Variants in SCAPER observed in about 807,000 individuals in gnomAD.
SCAPER encodes S-phase cyclin A associated protein in the ER.
Under a neutral mutation model 182.2 loss-of-function variants are expected in SCAPER, and 98 were observed. The observed-to-expected ratio is 0.54, with a 90% confidence interval of 0.46 to 0.64. The LOEUF (loss-of-function observed/expected upper bound fraction) is 0.64, where lower values mean the gene tolerates loss of function less well. Among genes scored for constraint, SCAPER ranks in the 30% least tolerant of loss-of-function variants. The pLI, the probability that SCAPER is intolerant of heterozygous loss-of-function variation, is 0.00. For synonymous variants in SCAPER, 605 were observed against 564.6 expected (o/e 1.07, Z -1.01); for missense variants, 1,432 against 1,690.0 (o/e 0.85, Z 2.68).
intron 23 of SCAPER, among the ~76,000 whole-genome samples, chr15:76,560,475 C>T (rs1349964259): frequency 1.3e-5 from 2 of 152,120 alleles, no homozygotes; most frequent in Non-Finnish European, 2.9e-5. Context: ...TGTGCCAAAA[C>T]CTTATATTTT....
chr15:76,448,339 G>A (rs183001060), intron 25 of SCAPER, among the ~76,000 whole-genome samples: 1 of 152,284 alleles, frequency 6.6e-6, no homozygotes, highest in Non-Finnish European at 1.5e-5. Flanking sequence ...CTAATTGACT[G>A]CATATTTAGG....
At chr15:76,608,821 G>A (rs2050709333) in intron 22 of SCAPER, among the ~76,000 whole-genome samples, 2 of 152,230 alleles carry the variant, frequency 1.3e-5, no homozygotes, top group South Asian at 4.1e-4. Flanking sequence ...GACCCTCTGA[G>A]CCAGGTGAGG....
At chr15:76,722,473 T>C (rs1176030149) in intron 17 of SCAPER, among the ~76,000 whole-genome samples, 2 of 152,362 alleles carry the variant, frequency 1.3e-5, no homozygotes, top group South Asian at 2.1e-4. Context: ...CCTCTTTTTC[T>C]ATTGATTGCA....
intron 18 of SCAPER, among the ~76,000 whole-genome samples, chr15:76,704,330 GATCCCAT>G (rs1221467279): frequency 6.6e-6 from 1 of 152,130 alleles, no homozygotes; most frequent in Admixed American, 6.6e-5. Flanking sequence ...AGTTTAATTA[GATCCCAT>G]ATGTCAATTT....
At chr15:76,800,189 TAATAACTAAGAAAATAA>T (rs2065665302) in intron 7 of SCAPER, 42 bp downstream of exon 7, 2 of 922,478 alleles carry the variant, frequency 2.2e-6, no homozygotes, top group Non-Finnish European at 3.4e-6. Context: ...CATAATACTA[TAATAACTAAGAAAATAA>T]TTTAATGCAA....
At chr15:76,764,025 T>C (rs2062958023) in intron 14 of SCAPER, among the ~76,000 whole-genome samples, 2 of 152,222 alleles carry the variant, frequency 1.3e-5, no homozygotes, top group Admixed American at 1.3e-4. Flanking sequence ...TGATTTTTCA[T>C]GTTCTTTGTA....
intron 22 of SCAPER, among the ~76,000 whole-genome samples, chr15:76,600,455 T>A (rs1007461668): frequency 0.029 from 678 of 23,764 alleles, 85 homozygotes; most frequent in East Asian, 0.074. Flanking sequence ...ATATATATAT[T>A]TTTTTTTTTT....
rs376415182 is a variant in SCAPER at position 76,754,972 on chromosome 15, T to C, written c.1726-1024A>G. ...CAGTGTTGAAAACAATAATCCATCA[T>C]ACAAATGGAAGATGAAAGTTGCCAT... is the stretch of plus-strand genomic sequence containing the variant. On this transcript the variant is annotated intron_variant, in intron 14 of 31. Coordinates refer to ENST00000563290, the MANE Select transcript of SCAPER (RefSeq NM_020843.4). Among the ~76,000 whole-genome samples, 22 of 152,274 alleles carry C rather than the reference T, an allele frequency of 1.4e-4. No individual in the cohort carries two copies. In the East Asian group the frequency reaches 3.3e-3, roughly 23 times the overall value.
intron 27 of SCAPER, among the ~76,000 whole-genome samples, chr15:76,387,882 T>A (rs535276320): frequency 1.3e-5 from 2 of 152,308 alleles, no homozygotes; most frequent in Admixed American, 6.5e-5. Flanking sequence ...ATACAGTTTG[T>A]CAACAATAAG....
intron 22 of SCAPER, among the ~76,000 whole-genome samples, chr15:76,615,094 C>G (rs746559260): frequency 1.3e-5 from 2 of 152,048 alleles, no homozygotes; most frequent in African/African-American, 2.4e-5. Flanking sequence ...AAAAGACATA[C>G]AATTAAGTAG....
rs763327851 is a variant in SCAPER at position 76,471,201 on chromosome 15, A to G, written c.3078+11T>C. 6.3e-7 allele frequency: 1 copy of G among 1,596,754 alleles called. No individual in the cohort carries two copies. Among genetic ancestry groups the G allele is most frequent in the Non-Finnish European group, 8.5e-7 (1 of 1,173,378 alleles). On this transcript the variant is annotated intron_variant, in intron 25 of 31. Transcript: ENST00000563290. ...TAACTGCTTCTAACTCAAAGCAATA[A>G]TATTACATACCGTCAACTGGTGTAT... is the stretch of plus-strand genomic sequence containing the variant.
At chr15:76,754,085 C>G (rs932429020) in intron 14 of SCAPER, 137 bp from the exon 15 acceptor site, 6 of 943,958 alleles carry the variant, frequency 6.4e-6, no homozygotes, top group African/African-American at 3.3e-5. Flanking sequence ...CAATTAAGGA[C>G]ACAGACTATG....
At chr15:76,578,241 G>C (rs1256161426) in intron 22 of SCAPER, among the ~76,000 whole-genome samples, 1 of 152,174 alleles carries the variant, frequency 6.6e-6, no homozygotes, top group Non-Finnish European at 1.5e-5. Context: ...CTGGCTCCTG[G>C]ATGGCATATC....
At chr15:76,635,212 G>A (rs1397287153) in intron 21 of SCAPER, among the ~76,000 whole-genome samples, 1 of 152,128 alleles carries the variant, frequency 6.6e-6, no homozygotes, top group African/African-American at 2.4e-5. Flanking sequence ...GCAGCTCAGG[G>A]TACAAGCCAT....
At chr15:76,409,032 G>GCCATCTACAGTGCCTACTAA (rs1398828200) in intron 26 of SCAPER, among the ~76,000 whole-genome samples, 1 of 152,104 alleles carries the variant, frequency 6.6e-6, no homozygotes, top group Admixed American at 6.6e-5. Context: ...AGGTTACTGG[G>GCCATCTACAGTGCCTACTAA]CCATCTACAG....
intron 23 of SCAPER, among the ~76,000 whole-genome samples, chr15:76,536,344 T>C (rs985044351): frequency 5.3e-5 from 8 of 152,132 alleles, no homozygotes; most frequent in Admixed American, 5.2e-4. Context: ...AAACACCCAG[T>C]ATTAAAATAA....
chr15:76,489,485 T>C (rs1298890944), intron 24 of SCAPER, among the ~76,000 whole-genome samples: 1 of 151,788 alleles, frequency 6.6e-6, no homozygotes, highest in Non-Finnish European at 1.5e-5. Flanking sequence ...ATTCCTGTAG[T>C]TTTGCCTTCT....
chr15:76,741,322 TA>T (rs1461861142), intron 15 of SCAPER, among the ~76,000 whole-genome samples: 1 of 152,084 alleles, frequency 6.6e-6, no homozygotes, highest in Non-Finnish European at 1.5e-5. Context: ...TTCTTCAAAA[TA>T]AAAATGAATC....
intron 23 of SCAPER, among the ~76,000 whole-genome samples, chr15:76,546,470 A>G (rs2045293206): frequency 6.6e-6 from 1 of 152,128 alleles, no homozygotes; most frequent in African/African-American, 2.4e-5. Flanking sequence ...GATTACATGC[A>G]TTAGCCATCA....
Sources: allele counts gnomAD v4.1 joint callset (sites outside exome capture counted in the v4.1 genomes callset), GRCh38; gene constraint gnomAD v4.1.1; transcripts MANE v1.5; gene names NCBI Gene and HGNC (gene_info 2026-07-23, HGNC 2026-07-21).